The following TTLL11 variants were observed in gnomAD, a reference collection of about 807,000 sequenced individuals.
TTLL11 encodes the protein tubulin polyglutamylase TTLL11.
Under a neutral mutation model 51.7 loss-of-function variants are expected in TTLL11, and 42 were observed. The ratio of observed to expected loss-of-function variants is 0.81; its 90% CI spans 0.64 to 1.05. The LOEUF (loss-of-function observed/expected upper bound fraction) is 1.05, where lower values mean the gene tolerates loss of function less well. Ranked by LOEUF, TTLL11 falls within the 50% of genes least tolerant of loss-of-function variation. TTLL11 has a pLI of 0.00. For missense variants in TTLL11, 799 were observed against 940.4 expected (o/e 0.85, Z 1.97); for synonymous variants, 381 against 383.5 (o/e 0.99, Z 0.08).
rs1836516000 is a variant in TTLL11 at position 121,819,714 on chromosome 9, T to C, written c.*2873A>G. On this transcript the variant is annotated 3_prime_UTR_variant, in exon 9 of 9. Coordinates refer to ENST00000321582, the MANE Select transcript of TTLL11 (RefSeq NM_001139442.2). ...AAAGCACAGGGGCTGCCCAGCTATG[T>C]GTGCCGTGCCTCTGGGCCAGCCAGA... 6.6e-6 allele frequency among the ~76,000 whole-genome samples: 1 copy of C among 152,018 alleles called. No individual in the cohort carries two copies.
intron 6 of TTLL11, among the ~76,000 whole-genome samples, chr9:121,875,898 A>C (rs112497903): frequency 7.1e-4 from 108 of 152,356 alleles, no homozygotes; most frequent in African/African-American, 2.5e-3. Context: ...ATACAATGGA[A>C]TCATTTTTCA....
intron 6 of TTLL11, among the ~76,000 whole-genome samples, chr9:121,966,722 T>C (rs1468345427): frequency 6.6e-6 from 1 of 152,128 alleles, no homozygotes; most frequent in Non-Finnish European, 1.5e-5. Flanking sequence ...CAGGCAAACA[T>C]TGGTGTAGGA....
chr9:121,909,304 G>A (rs779917393), intron 6 of TTLL11, among the ~76,000 whole-genome samples: 52 of 152,218 alleles, frequency 3.4e-4, no homozygotes, highest in Non-Finnish European at 5.9e-4. Flanking sequence ...TGCACCTGCC[G>A]CCAGAAGGTA....
intron 1 of TTLL11, among the ~76,000 whole-genome samples, chr9:122,074,358 A>G (rs1845807365): frequency 6.6e-6 from 1 of 152,178 alleles, no homozygotes; most frequent in Admixed American, 6.5e-5. Context: ...TATTTTTACA[A>G]TTATAAGCTG....
intron 6 of TTLL11, among the ~76,000 whole-genome samples, chr9:121,944,379 G>A (rs1310818493): frequency 6.6e-6 from 1 of 152,062 alleles, no homozygotes; most frequent in Non-Finnish European, 1.5e-5. Flanking sequence ...ATGGTGGCAG[G>A]CACCTGTAGT....
chr9:122,052,253 A>C (rs1845181260), intron 1 of TTLL11, among the ~76,000 whole-genome samples: 1 of 152,160 alleles, frequency 6.6e-6, no homozygotes, highest in Non-Finnish European at 1.5e-5. Context: ...ACAGAGGAGA[A>C]ATTCCACCCC....
At chr9:121,895,587 CTG>C (rs754623667) in intron 6 of TTLL11, among the ~76,000 whole-genome samples, 460 of 144,380 alleles carry the variant, frequency 3.2e-3, no homozygotes, top group Middle Eastern at 0.012. Context: ...GTTTGTGTGA[CTG>C]TGTGTGGTTG....
chr9:122,045,001 G>T (rs1844961825), intron 1 of TTLL11, among the ~76,000 whole-genome samples: 1 of 151,982 alleles, frequency 6.6e-6, no homozygotes, highest in Non-Finnish European at 1.5e-5. Flanking sequence ...AACTACTCGG[G>T]AAGCTGAAGC....
chr9:122,055,645 G>A lies in TTLL11; in HGVS notation c.463-16277C>T, dbSNP rs190998636. ...TATTAACCATCACAAGGGAACATAG[G>A]AGGATGAATGAACCAGTGGACAAGT... On this transcript the variant is annotated intron_variant, in intron 1 of 8. Coordinates refer to ENST00000321582, the MANE Select transcript of TTLL11 (RefSeq NM_001139442.2). 7.9e-5 allele frequency among the ~76,000 whole-genome samples: 12 copies of A among 152,284 alleles called. 1 individual carries two copies. Among genetic ancestry groups the A allele is most frequent in the African/African-American group, 2.9e-4 (12 of 41,560 alleles).
Position 121,989,281 on chromosome 9 carries a change from TAATCACCACGGAGATGATGTCAGACCAG to T in TTLL11, c.1155_1182del (p.Trp386ArgfsTer6), listed in dbSNP as rs757489093. 21 of 1,614,068 alleles carry T rather than the reference TAATCACCACGGAGATGATGTCAGACCAG, an allele frequency of 1.3e-5. No individual in the cohort carries two copies. The highest frequency in any genetic ancestry group is 1.8e-5 in the Non-Finnish European group (21 of 1,180,040). On this transcript the variant is annotated frameshift_variant, in exon 4 of 9. Coordinates refer to ENST00000321582, the MANE Select transcript of TTLL11 (RefSeq NM_001139442.2). LOFTEE classifies it high-confidence loss of function. This position sits in a 1 kb window ranked among gnomAD's most constrained non-coding sequence, Gnocchi z 4.2. ...TCTGGAGTCAGCGCGATGACCGTCT[TAATCACCACGGAGATGATGTCAGACCAG>T]ACCTTCTTGATGTCAACGCCTTTGG...
intron 4 of TTLL11, among the ~76,000 whole-genome samples, chr9:121,985,746 T>C (rs990166650): frequency 2.6e-5 from 4 of 152,042 alleles, no homozygotes; most frequent in Non-Finnish European, 5.9e-5. Flanking sequence ...GGACTCGATC[T>C]CCTGACCTCG....
intron 6 of TTLL11, among the ~76,000 whole-genome samples, chr9:121,906,398 G>A (rs1015283880): frequency 1.3e-5 from 2 of 152,056 alleles, no homozygotes; most frequent in African/African-American, 4.8e-5. Flanking sequence ...CCTCCAGGCA[G>A]AATCAATCAC....
chr9:121,854,077 T>C (rs1837745776), intron 8 of TTLL11, among the ~76,000 whole-genome samples: 1 of 152,144 alleles, frequency 6.6e-6, no homozygotes, highest in Non-Finnish European at 1.5e-5. Flanking sequence ...ATCTCCACTT[T>C]ACACCTGATG....
intron 1 of TTLL11, among the ~76,000 whole-genome samples, chr9:122,061,118 C>T (rs1845422946): frequency 6.6e-6 from 1 of 152,162 alleles, no homozygotes. Flanking sequence ...CACATCACTC[C>T]AATCCCTGCC....
intron 8 of TTLL11, among the ~76,000 whole-genome samples, chr9:121,855,219 A>G (rs941971610): frequency 1.3e-5 from 2 of 152,192 alleles, no homozygotes; most frequent in Non-Finnish European, 2.9e-5. Context: ...AAAGTAGGTT[A>G]TGCGTGGATC....
At chr9:121,994,391 C>T (rs1026689650) in intron 3 of TTLL11, among the ~76,000 whole-genome samples, 5 of 152,286 alleles carry the variant, frequency 3.3e-5, no homozygotes, top group Non-Finnish European at 7.3e-5. Flanking sequence ...ATAATAATAA[C>T]ATTAGCACAC....
At chr9:121,987,274 G>A (rs1842964244) in intron 4 of TTLL11, among the ~76,000 whole-genome samples, 1 of 152,124 alleles carries the variant, frequency 6.6e-6, no homozygotes, top group African/African-American at 2.4e-5. Flanking sequence ...TGGCTTCATG[G>A]CTTACAAGTA....
intron 4 of TTLL11, among the ~76,000 whole-genome samples, chr9:121,981,792 C>T (rs1201497570): frequency 3.9e-5 from 6 of 152,186 alleles, no homozygotes; most frequent in African/African-American, 2.4e-5. Context: ...ATTTAACCCT[C>T]GCTGTTAAGG....
chr9:121,881,441 G>A (rs755450341), intron 6 of TTLL11, among the ~76,000 whole-genome samples: 2 of 152,226 alleles, frequency 1.3e-5, no homozygotes, highest in Non-Finnish European at 2.9e-5. Flanking sequence ...CAGTAATTCC[G>A]TAGGCATATC....
Sources: gnomAD v4.1 joint callset for allele counts (sites outside exome capture counted in the v4.1 genomes callset) on GRCh38, gnomAD v4.1.1 for gene constraint, Gnocchi (gnomAD v3.1) non-coding constraint, MANE v1.5 for transcripts, NCBI Gene and HGNC (gene_info 2026-07-23, HGNC 2026-07-21) for gene names.